PHLPP1: variants seen among roughly 807,000 people sequenced by gnomAD.
The protein encoded by PHLPP1 is PH domain leucine-rich repeat-containing protein phosphatase 1.
Under a neutral mutation model 117.2 loss-of-function variants are expected in PHLPP1, and 42 were observed. That is an observed-to-expected ratio of 0.36 (90% CI 0.28 to 0.46). The LOEUF is 0.46. PHLPP1 is among the 20% of genes least tolerant of loss of function. The pLI is 1.00. For missense variants in PHLPP1, 2,084 were observed against 2,241.9 expected (o/e 0.93, Z 1.42); for synonymous variants, 1,042 against 970.7 (o/e 1.07, Z -1.37).
chr18:62,978,017 C>T lies in PHLPP1; in HGVS notation c.3985-245C>T, dbSNP rs1324138767. Among the ~76,000 whole-genome samples, 2 of 152,298 alleles carry T rather than the reference C, an allele frequency of 1.3e-5. No homozygotes were observed. Among genetic ancestry groups the T allele is most frequent in the East Asian group, 3.9e-4 (2 of 5,184 alleles). On this transcript the variant is annotated intron_variant, in intron 16 of 16. Transcript: ENST00000262719. This position sits in a 1 kb window ranked among gnomAD's most constrained non-coding sequence, Gnocchi z 7.0. Reference sequence around the variant, plus strand: ...GTGTGAATGGGGTCCCAGTAACACACATAACCGAAATCTTTTCCTTTTGTC... The same window carrying T: ...GTGTGAATGGGGTCCCAGTAACACATATAACCGAAATCTTTTCCTTTTGTC...
intron 1 of PHLPP1, among the ~76,000 whole-genome samples, chr18:62,729,086 T>A (rs1319613125): frequency 2.0e-5 from 3 of 152,224 alleles, no homozygotes; most frequent in Non-Finnish European, 4.4e-5. Context: ...GTGTTTTTTT[T>A]AGTGGGAATG....
At chr18:62,728,077 C>T (rs992209063) in intron 1 of PHLPP1, among the ~76,000 whole-genome samples, 1 of 151,970 alleles carries the variant, frequency 6.6e-6, no homozygotes, top group African/African-American at 2.4e-5. Context: ...GGCAGATCAC[C>T]TGATGTCAGG....
At chr18:62,808,268 C>G (rs953551132) in intron 1 of PHLPP1, among the ~76,000 whole-genome samples, 2 of 151,806 alleles carry the variant, frequency 1.3e-5, no homozygotes, top group Non-Finnish European at 2.9e-5. Flanking sequence ...GGACAGATGA[C>G]CATAGGAAAC....
At chr18:62,822,167 C>T (rs1271083926) in intron 1 of PHLPP1, among the ~76,000 whole-genome samples, 1 of 150,886 alleles carries the variant, frequency 6.6e-6, no homozygotes, top group Non-Finnish European at 1.5e-5. Context: ...TGAGGAACTC[C>T]AATATCCCTT....
chr18:62,830,729 T>G (rs1035770311), intron 2 of PHLPP1, among the ~76,000 whole-genome samples: 8 of 152,162 alleles, frequency 5.3e-5, no homozygotes, highest in African/African-American at 1.7e-4. Flanking sequence ...CCTTGATGAT[T>G]ATTGTTTCAT....
At chr18:62,936,026 A>G (rs999584900) in intron 10 of PHLPP1, among the ~76,000 whole-genome samples, 4 of 152,178 alleles carry the variant, frequency 2.6e-5, no homozygotes, top group Admixed American at 6.6e-5. Context: ...ATTAAATAAA[A>G]AGACTTTGCT....
intron 1 of PHLPP1, among the ~76,000 whole-genome samples, chr18:62,754,795 T>C (rs1440940737): frequency 1.3e-5 from 2 of 152,230 alleles, no homozygotes; most frequent in African/African-American, 4.8e-5. Context: ...GGATGTAATG[T>C]TCACGGCGTT....
intron 3 of PHLPP1, among the ~76,000 whole-genome samples, chr18:62,855,398 CT>C (rs1484294762): frequency 2.0e-5 from 3 of 152,170 alleles, no homozygotes; most frequent in African/African-American, 7.2e-5. Flanking sequence ...GCCATACCTT[CT>C]AAGTAGAGTG....
chr18:62,925,607 G>A (rs1909606381), intron 10 of PHLPP1, among the ~76,000 whole-genome samples: 1 of 150,388 alleles, frequency 6.6e-6, no homozygotes, highest in South Asian at 2.1e-4. Flanking sequence ...GTGCCTTTTG[G>A]CAAAGACAGA....
chr18:62,963,344 T>A (rs1471427896), intron 13 of PHLPP1, 24 bp from the exon 14 acceptor site: 1 of 1,530,736 alleles, frequency 6.5e-7, no homozygotes, highest in East Asian at 2.3e-5. Context: ...ATGATTCCTG[T>A]TCCCTCCCTG....
chr18:62,954,054 A>G lies in PHLPP1; in HGVS notation c.3325-4575A>G, dbSNP rs573736287. Reference sequence around the variant, plus strand: ...TCCATGCAGCTTTTGTGATAGTTACACTTAAACTATACATCAAGTTGAATT... The same window carrying G: ...TCCATGCAGCTTTTGTGATAGTTACGCTTAAACTATACATCAAGTTGAATT... On this transcript the variant is annotated intron_variant, in intron 12 of 16. Transcript: ENST00000262719. 2.0e-5 allele frequency among the ~76,000 whole-genome samples: 3 copies of G among 152,330 alleles called. No homozygotes were observed. The South Asian group carries it at 6.2e-4, about 32-fold the overall frequency.
chr18:62,916,605 G>GGTGGGTGTGTGTGTGTGT (rs1555681661), intron 9 of PHLPP1, among the ~76,000 whole-genome samples: 13 of 145,768 alleles, frequency 8.9e-5, no homozygotes, highest in African/African-American at 3.3e-4. Flanking sequence ...CAAGAGGGTG[G>GGTGGGTGTGTGTGTGTGT]GTGTGTGTGT....
At chr18:62,777,908 G>C (rs1913007847) in intron 1 of PHLPP1, among the ~76,000 whole-genome samples, 2 of 152,056 alleles carry the variant, frequency 1.3e-5, no homozygotes, top group Admixed American at 1.3e-4. Flanking sequence ...AATGTCATAG[G>C]TTATTACTTT....
At chr18:62,959,807 A>C (rs1910713656) in intron 13 of PHLPP1, among the ~76,000 whole-genome samples, 1 of 152,206 alleles carries the variant, frequency 6.6e-6, no homozygotes, top group Non-Finnish European at 1.5e-5. Context: ...GAATTGGCCT[A>C]ATTAGTGCCT....
chr18:62,738,426 C>T (rs80098915), intron 1 of PHLPP1, among the ~76,000 whole-genome samples: 5,279 of 152,240 alleles, frequency 0.035, 137 homozygotes, highest in Middle Eastern at 0.061. Flanking sequence ...AGTATAACAA[C>T]TATTGGATAT....
At chr18:62,944,374 TGAG>T (rs1387193647) in intron 11 of PHLPP1, among the ~76,000 whole-genome samples, 9 of 152,226 alleles carry the variant, frequency 5.9e-5, no homozygotes, top group African/African-American at 9.6e-5. Flanking sequence ...AGATTATAGA[TGAG>T]GAGGATTGAA....
rs1309911232 is a variant in PHLPP1, at chr18:62,716,477, C to A, written c.794C>A (p.Pro265His). ...GCCCGGGAGCCCGCTGAACCGCCCC[C>A]CGAGGCCGGCCCCCGGCTGGCGCCC... The part of the protein sequence containing the change: ...AAAREPAEPP[P>H]EAGPRLAPPE... Residue 265 changes from proline (P) to histidine (H), a missense_variant, in exon 1 of 17, where the codon CCC becomes CAC. Pro to His is a moderately conservative substitution (Grantham distance 77, BLOSUM62 -2). Transcript: ENST00000262719. The surrounding 1 kb of genome is among the most constrained non-coding windows in gnomAD (Gnocchi z 5.7). 8.1e-7 allele frequency: 1 copy of A among 1,229,362 alleles called. No homozygotes were observed. Among genetic ancestry groups the A allele is most frequent in the South Asian group, 3.7e-5 (1 of 26,858 alleles). 76.2% of individuals were successfully genotyped at this position (1,229,362 alleles called of 1,614,324 possible).
At chr18:62,826,421 C>T (rs370473556) in intron 1 of PHLPP1, among the ~76,000 whole-genome samples, 1 of 152,154 alleles carries the variant, frequency 6.6e-6, no homozygotes, top group African/African-American at 2.4e-5. Context: ...TGTTTCAAAT[C>T]TAGGGCTGCG....
rs139713763 is a variant in PHLPP1, at chr18:62,978,060, G to A, written c.3985-202G>A. Among the ~76,000 whole-genome samples the A allele has an allele frequency of 1.6e-4, 24 of 152,208 alleles. No individual in the cohort carries two copies. Among genetic ancestry groups the A allele is most frequent in the African/African-American group, 5.3e-4 (22 of 41,516 alleles). ...CTTTTGTCCCTACTGCTCCTTACCT[G>A]CCCAGGCCTACTACCTGGGGTTTCT... On this transcript the variant is annotated intron_variant, in intron 16 of 16. Transcript: ENST00000262719. This position sits in a 1 kb window ranked among gnomAD's most constrained non-coding sequence, Gnocchi z 7.0.
Sources: allele counts gnomAD v4.1 joint callset (sites outside exome capture counted in the v4.1 genomes callset), GRCh38; gene constraint gnomAD v4.1.1; non-coding constraint Gnocchi (gnomAD v3.1); transcripts MANE v1.5; gene names NCBI Gene and HGNC (gene_info 2026-07-23, HGNC 2026-07-21).